Variants in PPP3CA observed in about 807,000 individuals in gnomAD.
PPP3CA encodes CAM-PRP catalytic subunit.
A neutral mutation model predicts 66.5 loss-of-function variants in PPP3CA; 14 were observed. That is an observed-to-expected ratio of 0.21 (90% confidence interval 0.14 to 0.33). The LOEUF (loss-of-function observed/expected upper bound fraction) is 0.33. Ranked by LOEUF, PPP3CA falls within the 10% of genes least tolerant of loss-of-function variation. The pLI, the probability that PPP3CA is intolerant of heterozygous loss-of-function variation, is 1.00. For missense variants in PPP3CA, 317 were observed against 639.5 expected, an observed-to-expected ratio of 0.50 and a Z score of 5.44; for synonymous variants, 232 against 226.2, an observed-to-expected ratio of 1.03 and a Z score of -0.23.
At chr4:101,342,910 C>T (rs1729861841) in intron 1 of PPP3CA, among the ~76,000 whole-genome samples, 1 of 152,144 alleles carries the variant, frequency 6.6e-6, no homozygotes, top group African/African-American at 2.4e-5. Context: ...TCCTTATTTA[C>T]TTAATAATAC....
intron 2 of PPP3CA, among the ~76,000 whole-genome samples, chr4:101,122,620 G>C (rs1283020896): frequency 6.6e-6 from 1 of 152,194 alleles, no homozygotes; most frequent in Non-Finnish European, 1.5e-5. Flanking sequence ...GTCATAAGCT[G>C]AAAGACCTCT....
intron 1 of PPP3CA, chr4:101,330,207 G>C: frequency 2.5e-6 from 1 of 400,128 alleles, no homozygotes; most frequent in Non-Finnish European, 4.9e-6. Flanking sequence ...TCAGAGGAGG[G>C]AGTAACTGCA....
At chr4:101,263,494 A>C (rs1230568418) in intron 1 of PPP3CA, among the ~76,000 whole-genome samples, 2 of 152,194 alleles carry the variant, frequency 1.3e-5, no homozygotes, top group East Asian at 3.8e-4. Flanking sequence ...CTCACAAGAA[A>C]AGACAGACAA....
At chr4:101,207,358 G>A (rs1048687351) in intron 1 of PPP3CA, among the ~76,000 whole-genome samples, 6 of 152,142 alleles carry the variant, frequency 3.9e-5, no homozygotes, top group Non-Finnish European at 7.3e-5. Context: ...CAATATCCAA[G>A]ACTTAATAGA....
At chr4:101,121,037 A>C (rs1391287124) in intron 2 of PPP3CA, among the ~76,000 whole-genome samples, 1 of 152,108 alleles carries the variant, frequency 6.6e-6, no homozygotes, top group African/African-American at 2.4e-5. Context: ...AAATTAACAC[A>C]GGTGTTTGGA....
intron 1 of PPP3CA, among the ~76,000 whole-genome samples, chr4:101,234,110 C>T (rs1040432929): frequency 4.0e-5 from 6 of 151,584 alleles, no homozygotes; most frequent in South Asian, 2.1e-4. Context: ...TATTCCATGG[C>T]GTATATGTAC....
chr4:101,294,189 A>G (rs1284999618), intron 1 of PPP3CA, among the ~76,000 whole-genome samples: 1 of 152,250 alleles, frequency 6.6e-6, no homozygotes, highest in East Asian at 1.9e-4. Context: ...CTTATATAAT[A>G]AGAATCACTT....
At chr4:101,169,261 T>C (rs559872911) in intron 2 of PPP3CA, among the ~76,000 whole-genome samples, 1 of 152,324 alleles carries the variant, frequency 6.6e-6, no homozygotes, top group East Asian at 1.9e-4. Flanking sequence ...ATAAAGCTCG[T>C]AAGTGAAATT....
chr4:101,025,836 A>G lies in PPP3CA; in HGVS notation c.*29T>C, dbSNP rs1455727480. 7.4e-7 allele frequency: 1 copy of G among 1,358,736 alleles called. No individual in the cohort carries two copies. The highest frequency in any genetic ancestry group is 2.6e-5 in the East Asian group (1 of 38,282). 84.2% of individuals were successfully genotyped at this position (1,358,736 alleles called of 1,614,324 possible). Reference sequence around the variant, plus strand: ...CCCGCAGCTCAAAAAAAAAAAAAAAAAAAAAAAAAAAAAGTGAACAGGAAG... The same window carrying G: ...CCCGCAGCTCAAAAAAAAAAAAAAAGAAAAAAAAAAAAAGTGAACAGGAAG... On this transcript the variant is annotated 3_prime_UTR_variant, in exon 14 of 14. Transcript: ENST00000394854.
intron 2 of PPP3CA, among the ~76,000 whole-genome samples, chr4:101,176,511 G>C (rs1724064628): frequency 6.6e-6 from 1 of 152,128 alleles, no homozygotes; most frequent in African/African-American, 2.4e-5. Context: ...GTGCCTGACT[G>C]CTCCAAGCCT....
rs527916306 is a variant in PPP3CA at position 101,113,649 on chromosome 4, T to C, written c.260-4571A>G. Among the ~76,000 whole-genome samples, 4 of 152,244 alleles carry C rather than the reference T, an allele frequency of 2.6e-5. 1 individual carries two copies. The South Asian group carries it at 8.3e-4, about 32-fold the overall frequency. Reference sequence around the variant, plus strand: ...TTATCCTTAAGTCCTATTATCTCATTCACCATTTTGATATCAAATTTCAGG... The same window carrying C: ...TTATCCTTAAGTCCTATTATCTCATCCACCATTTTGATATCAAATTTCAGG... On this transcript the variant is annotated intron_variant, in intron 2 of 13. Coordinates refer to ENST00000394854, the MANE Select transcript of PPP3CA (RefSeq NM_000944.5).
intron 1 of PPP3CA, among the ~76,000 whole-genome samples, chr4:101,306,537 G>A (rs1305541902): frequency 6.6e-6 from 1 of 152,072 alleles, no homozygotes; most frequent in Non-Finnish European, 1.5e-5. Flanking sequence ...ATGAGCTACA[G>A]AAAAAGTAAA....
At chr4:101,145,081 GC>G (rs1722927196) in intron 2 of PPP3CA, among the ~76,000 whole-genome samples, 1 of 152,006 alleles carries the variant, frequency 6.6e-6, no homozygotes, top group Non-Finnish European at 1.5e-5. Flanking sequence ...ACAATAACCT[GC>G]TTTCATTTCT....
intron 1 of PPP3CA, among the ~76,000 whole-genome samples, chr4:101,216,639 G>A (rs1725466424): frequency 6.6e-6 from 1 of 152,080 alleles, no homozygotes; most frequent in African/African-American, 2.4e-5. Flanking sequence ...CCCAGTGCAG[G>A]TGATCCTCCC....
intron 1 of PPP3CA, among the ~76,000 whole-genome samples, chr4:101,216,024 G>A (rs530290802): frequency 3.4e-4 from 51 of 151,890 alleles, no homozygotes; most frequent in Non-Finnish European, 5.9e-5. Context: ...CAACTATCTC[G>A]CTTAATTAAA....
At chr4:101,313,196 T>C (rs1017455200) in intron 1 of PPP3CA, among the ~76,000 whole-genome samples, 1 of 152,084 alleles carries the variant, frequency 6.6e-6, no homozygotes, top group Admixed American at 6.5e-5. Context: ...AGGGTCTTTT[T>C]TTCTTTTTCT....
chr4:101,311,761 T>A (rs528929938), intron 1 of PPP3CA, among the ~76,000 whole-genome samples: 1 of 152,164 alleles, frequency 6.6e-6, no homozygotes, highest in African/African-American at 2.4e-5. Flanking sequence ...GCCTGGGGGA[T>A]AGAAGGATAC....
At chr4:101,069,965 T>G (rs1728843907) in intron 8 of PPP3CA, among the ~76,000 whole-genome samples, 1 of 152,162 alleles carries the variant, frequency 6.6e-6, no homozygotes. Context: ...AGTAGTTAAG[T>G]TTTTGATGAA....
intron 2 of PPP3CA, among the ~76,000 whole-genome samples, chr4:101,150,894 C>T (rs143703437): frequency 6.6e-6 from 1 of 152,278 alleles, no homozygotes; most frequent in African/African-American, 2.4e-5. Flanking sequence ...AAGTCCCAGT[C>T]CTTAGGGGAC....
Sources: allele counts gnomAD v4.1 joint callset (sites outside exome capture counted in the v4.1 genomes callset), GRCh38; gene constraint gnomAD v4.1.1; transcripts MANE v1.5; gene names NCBI Gene and HGNC (gene_info 2026-07-23, HGNC 2026-07-21).